NELL2: variants seen among roughly 807,000 people sequenced by gnomAD.
The protein encoded by NELL2 is protein kinase C-binding protein NELL2.
Under a neutral mutation model 109.6 loss-of-function variants are expected in NELL2, and 41 were observed. The ratio of observed to expected loss-of-function variants is 0.37; its 90% CI spans 0.29 to 0.49. NELL2 has a LOEUF of 0.49. Ranked by LOEUF, NELL2 falls within the 20% of genes least tolerant of loss-of-function variation. The probability of loss-of-function intolerance (pLI) is 0.98; values close to 1 mark genes in which losing one functional copy is unlikely to be tolerated. For synonymous variants in NELL2, 355 were observed against 344.7 expected, an observed-to-expected ratio of 1.03 and a Z score of -0.33; for missense variants, 900 against 1,008.3, an observed-to-expected ratio of 0.89 and a Z score of 1.45.
intron 11 of NELL2, among the ~76,000 whole-genome samples, chr12:44,706,656 TA>T (rs1937897128): frequency 6.6e-6 from 1 of 152,186 alleles, no homozygotes; most frequent in Admixed American, 6.5e-5. Flanking sequence ...TGTAAAAGCA[TA>T]ATAATATATT....
At chr12:44,597,748 A>G (rs1945023637) in intron 15 of NELL2, among the ~76,000 whole-genome samples, 1 of 152,224 alleles carries the variant, frequency 6.6e-6, no homozygotes, top group African/African-American at 2.4e-5. Context: ...CATGGAACTC[A>G]TACTCCAGTG....
upstream of NELL2, chr12:44,876,613 A>G (rs1029992707): frequency 6.5e-7 from 1 of 1,550,386 alleles, no homozygotes; most frequent in African/African-American, 1.4e-5. Context: ...TCACCCCTCG[A>G]TTTCGGGCGC....
intron 12 of NELL2, among the ~76,000 whole-genome samples, chr12:44,670,756 A>G (rs1162478189): frequency 6.6e-6 from 1 of 151,908 alleles, no homozygotes; most frequent in Admixed American, 6.5e-5. Flanking sequence ...AGATACAACA[A>G]TTGTAATTGT....
intron 3 of NELL2, among the ~76,000 whole-genome samples, chr12:44,807,905 C>T (rs1288809527): frequency 6.6e-6 from 1 of 151,956 alleles, no homozygotes; most frequent in East Asian, 1.9e-4. Flanking sequence ...ACCAAAATTC[C>T]AGTACTCTGT....
At chr12:44,639,382 G>A (rs1946763318) in intron 13 of NELL2, among the ~76,000 whole-genome samples, 1 of 152,006 alleles carries the variant, frequency 6.6e-6, no homozygotes, top group Non-Finnish European at 1.5e-5. Context: ...TTATCATAAC[G>A]ACGACCATGA....
chr12:44,526,992 A>G (rs1252993853), intron 16 of NELL2, among the ~76,000 whole-genome samples: 2 of 152,192 alleles, frequency 1.3e-5, no homozygotes, highest in Admixed American at 1.3e-4. Context: ...CTTGTTTGCA[A>G]TCATTTTCCC....
intron 9 of NELL2, among the ~76,000 whole-genome samples, chr12:44,736,159 C>A (rs1057165135): frequency 6.6e-6 from 1 of 151,570 alleles, no homozygotes; most frequent in Non-Finnish European, 1.5e-5. Context: ...TACAGGCGCG[C>A]GCCACCATGC....
chr12:44,670,543 C>T (rs1414180317), intron 12 of NELL2, among the ~76,000 whole-genome samples: 1 of 146,428 alleles, frequency 6.8e-6, no homozygotes, highest in African/African-American at 2.5e-5. Flanking sequence ...TATTAAAAAA[C>T]AAGATGCAAG....
intron 2 of NELL2, among the ~76,000 whole-genome samples, chr12:44,853,043 CTTTAGAGGCCTCATTTCTT>C (rs1019827444): frequency 4.1e-4 from 63 of 152,054 alleles, no homozygotes; most frequent in African/African-American, 1.5e-3. Flanking sequence ...TTTTCTTTCC[CTTTAGAGGCCTCATTTCTT>C]GTGAATTCCC....
upstream of NELL2, among the ~76,000 whole-genome samples, chr12:44,918,824 A>G (rs1447970412): frequency 6.6e-6 from 1 of 152,124 alleles, no homozygotes; most frequent in African/African-American, 2.4e-5. Context: ...CTTATTTGAT[A>G]GACAGTACCT....
chr12:44,707,128 C>T (rs916342740), intron 11 of NELL2, among the ~76,000 whole-genome samples: 1 of 152,174 alleles, frequency 6.6e-6, no homozygotes, highest in African/African-American at 2.4e-5. Context: ...CTCACCCCTA[C>T]TTTCAGCCCA....
At chr12:44,824,976 C>T (rs962662193) in intron 2 of NELL2, among the ~76,000 whole-genome samples, 2 of 152,094 alleles carry the variant, frequency 1.3e-5, no homozygotes, top group African/African-American at 4.8e-5. Context: ...TCCCAAAATG[C>T]TGGGATTACA....
intron 17 of NELL2, 139 bp downstream of exon 17, chr12:44,523,152 G>A: frequency 1.2e-6 from 1 of 856,552 alleles, no homozygotes; most frequent in Non-Finnish European, 1.8e-6. Context: ...TGGGATAATG[G>A]AAGTGTTCTG....
chr12:44,900,158 T>C (rs565637609), intron 1 of NELL2, among the ~76,000 whole-genome samples: 10 of 152,250 alleles, frequency 6.6e-5, no homozygotes, highest in African/African-American at 2.4e-4. Flanking sequence ...CACACAATAA[T>C]AGTGGGAGAC....
chr12:44,731,003 G>C (rs899207143), intron 9 of NELL2, among the ~76,000 whole-genome samples: 1 of 151,978 alleles, frequency 6.6e-6, no homozygotes, highest in African/African-American at 2.4e-5. Flanking sequence ...TATAACACCA[G>C]TAAATTGGAT....
At chr12:44,878,823 T>C (rs560237079), upstream of NELL2, among the ~76,000 whole-genome samples, 15 of 152,334 alleles carry the variant, frequency 9.8e-5, no homozygotes, top group Non-Finnish European at 1.8e-4. Flanking sequence ...AAAATTTTGC[T>C]TGCAATCATT....
chr12:44,640,327 C>A (rs1946807663), intron 13 of NELL2, among the ~76,000 whole-genome samples: 1 of 152,154 alleles, frequency 6.6e-6, no homozygotes, highest in South Asian at 2.1e-4. Flanking sequence ...ACTGTAATAA[C>A]AATGATAAAA....
At chr12:44,603,022 G>A (rs1456837501) in intron 15 of NELL2, among the ~76,000 whole-genome samples, 1 of 151,926 alleles carries the variant, frequency 6.6e-6, no homozygotes, top group Non-Finnish European at 1.5e-5. Flanking sequence ...AGTTACTTTT[G>A]AAGTAAAGCA....
At chr12:44,856,261 T>C (rs1407663833) in intron 2 of NELL2, among the ~76,000 whole-genome samples, 1 of 152,210 alleles carries the variant, frequency 6.6e-6, no homozygotes, top group African/African-American at 2.4e-5. Context: ...AATTCCTTCC[T>C]CTCCTATGCT....
Sources: gnomAD v4.1 joint callset for allele counts (sites outside exome capture counted in the v4.1 genomes callset) on GRCh38, gnomAD v4.1.1 for gene constraint, MANE v1.5 for transcripts, NCBI Gene and HGNC (gene_info 2026-07-23, HGNC 2026-07-21) for gene names.